The following ADARB2 variants were observed in gnomAD, a reference collection of about 807,000 sequenced individuals.
ADARB2 encodes the protein adenosine deaminase RNA specific B2 (inactive).
Under a neutral mutation model 62.2 loss-of-function variants are expected in ADARB2, and 25 were observed. The ratio of observed to expected loss-of-function variants is 0.40; its 90% confidence interval spans 0.29 to 0.56. The LOEUF is 0.56. Among genes scored for constraint, ADARB2 ranks in the 20% least tolerant of loss-of-function variants. The probability of loss-of-function intolerance (pLI) is 0.43; values close to 1 mark genes in which losing one functional copy is unlikely to be tolerated. For missense variants in ADARB2, 1,071 were observed against 1,077.4 expected (o/e 0.99, Z 0.08); for synonymous variants, 572 against 500.8 (o/e 1.14, Z -1.90).
At chr10:1,364,020 C>T (rs1371962433) in intron 2 of ADARB2, 103 bp from the exon 3 acceptor site, 1 of 1,370,554 alleles carries the variant, frequency 7.3e-7, no homozygotes, top group African/African-American at 1.5e-5. Context: ...ACCTCGCCGC[C>T]CGCGCCCCCA....
intron 1 of ADARB2, among the ~76,000 whole-genome samples, chr10:1,530,605 G>A (rs539476723): frequency 2.6e-5 from 4 of 152,202 alleles, no homozygotes; most frequent in East Asian, 1.9e-4. Flanking sequence ...CCGCCCCTGC[G>A]CCCAAAGCCC....
intron 6 of ADARB2, among the ~76,000 whole-genome samples, chr10:1,229,778 C>A (rs892878593): frequency 6.7e-6 from 1 of 150,304 alleles, no homozygotes; most frequent in Admixed American, 6.6e-5. Flanking sequence ...ATATGTGCTT[C>A]TGTGTACATG....
At chr10:1,423,518 T>C (rs1832868165) in intron 1 of ADARB2, among the ~76,000 whole-genome samples, 1 of 9,238 alleles carries the variant, frequency 1.1e-4, no homozygotes, top group Non-Finnish European at 5.1e-4. Context: ...GGACTACTCT[T>C]CCTAGGCCTA....
chr10:1,692,575 G>T (rs1834687557), intron 1 of ADARB2, among the ~76,000 whole-genome samples: 1 of 152,164 alleles, frequency 6.6e-6, no homozygotes, highest in Admixed American at 6.5e-5. Context: ...TCATTCAGTA[G>T]TGACAGCCAG....
intron 1 of ADARB2, among the ~76,000 whole-genome samples, chr10:1,519,535 G>C (rs1832047909): frequency 6.6e-6 from 1 of 152,180 alleles, no homozygotes; most frequent in Admixed American, 6.5e-5. Flanking sequence ...GGACCCTGCA[G>C]CTGGGCCAGC....
intron 1 of ADARB2, among the ~76,000 whole-genome samples, chr10:1,591,844 T>C (rs948319445): frequency 6.6e-6 from 1 of 152,208 alleles, no homozygotes; most frequent in Non-Finnish European, 1.5e-5. Flanking sequence ...AATCTCTGTG[T>C]AGCGCTGGTA....
In ADARB2 at chr10:1,181,803, A is replaced by C. The variant is rs888013345; in HGVS notation, c.*1390T>G. 6.6e-6 allele frequency: 1 copy of C among 152,122 alleles called. No homozygotes were observed. Among genetic ancestry groups the C allele is most frequent in the Non-Finnish European group, 1.5e-5 (1 of 68,016 alleles). The allele number at this position is 152,122 out of a possible 1,614,324, so 9.4% of individuals were successfully genotyped here. A position where few individuals can be genotyped will look rare whatever the true frequency, so the allele number is the denominator to read the frequency against. On this transcript the variant is annotated 3_prime_UTR_variant, in exon 10 of 10. Transcript: ENST00000381312. ...ATTTTTTAAGTTGGAGAAATGAGAG[A>C]CTGGCTATCTAGCATGATGAATGTT...
chr10:1,512,917 A>G (rs1831956599), intron 1 of ADARB2, among the ~76,000 whole-genome samples: 1 of 152,210 alleles, frequency 6.6e-6, no homozygotes, highest in Admixed American at 6.5e-5. Context: ...TGGTAAAGAC[A>G]ATGGGCTCTG....
intron 1 of ADARB2, among the ~76,000 whole-genome samples, chr10:1,654,483 G>C (rs182765770): frequency 6.6e-6 from 1 of 152,090 alleles, no homozygotes; most frequent in Admixed American, 6.5e-5. Flanking sequence ...TTCCGGCGTG[G>C]TGGTGCCTCC....
chr10:1,222,374 A>C (rs1830702797), intron 6 of ADARB2, among the ~76,000 whole-genome samples: 1 of 151,920 alleles, frequency 6.6e-6, no homozygotes, highest in Non-Finnish European at 1.5e-5. Flanking sequence ...TTGCCTGTTC[A>C]CTCTGATGTT....
chr10:1,257,926 C>T (rs1373799805), intron 4 of ADARB2, among the ~76,000 whole-genome samples: 1 of 152,204 alleles, frequency 6.6e-6, no homozygotes, highest in Non-Finnish European at 1.5e-5. Context: ...TCCACACTTA[C>T]TTCAGAGGGT....
Position 1,499,834 on chromosome 10 carries a change from T to C in ADARB2, c.101-120674A>G, listed in dbSNP as rs527948613. Among the ~76,000 whole-genome samples, 5 of 152,152 alleles carry C rather than the reference T, an allele frequency of 3.3e-5. No homozygotes were observed. In the South Asian group the frequency reaches 1.0e-3, roughly 32 times the overall value. The stretch of plus-strand genomic sequence containing the variant: ...ACATCACTCACTCATCACTTAACAC[T>C]CATTCATTACTCATTGCTCACTCAT... On this transcript the variant is annotated intron_variant, in intron 1 of 9. Coordinates refer to ENST00000381312, the MANE Select transcript of ADARB2 (RefSeq NM_018702.4).
At chr10:1,388,403 A>T (rs1050457586) in intron 1 of ADARB2, among the ~76,000 whole-genome samples, 1 of 152,156 alleles carries the variant, frequency 6.6e-6, no homozygotes, top group Non-Finnish European at 1.5e-5. Flanking sequence ...AGAAAATAAA[A>T]GTCATAGAGA....
intron 1 of ADARB2, among the ~76,000 whole-genome samples, chr10:1,400,931 C>G (rs549067461): frequency 2.6e-5 from 4 of 152,214 alleles, no homozygotes; most frequent in African/African-American, 9.6e-5. Context: ...CAGGGAGGGC[C>G]GGGAACGACC....
At chr10:1,481,833 G>A (rs1390989161) in intron 1 of ADARB2, among the ~76,000 whole-genome samples, 1 of 140,978 alleles carries the variant, frequency 7.1e-6, no homozygotes, top group African/African-American at 2.7e-5. Flanking sequence ...CTCCAGCCTG[G>A]ACGACAGAGT....
chr10:1,524,109 A>G (rs1429446348), intron 1 of ADARB2, among the ~76,000 whole-genome samples: 1 of 151,946 alleles, frequency 6.6e-6, no homozygotes. Flanking sequence ...TAGATTAGAG[A>G]GAGAGAGAAT....
chr10:1,379,457 A>T (rs1832463025), intron 1 of ADARB2, among the ~76,000 whole-genome samples: 1 of 152,154 alleles, frequency 6.6e-6, no homozygotes, highest in African/African-American at 2.4e-5. Flanking sequence ...ACAACCTTGC[A>T]TCTGTTTACA....
chr10:1,215,333 C>T (rs1045027409), intron 7 of ADARB2, among the ~76,000 whole-genome samples: 10 of 152,184 alleles, frequency 6.6e-5, no homozygotes, highest in East Asian at 1.9e-4. Flanking sequence ...GCTGGCTGTG[C>T]GCACCCTCTC....
intron 1 of ADARB2, among the ~76,000 whole-genome samples, chr10:1,585,322 C>T (rs1762932503): frequency 6.6e-6 from 1 of 152,038 alleles, no homozygotes; most frequent in Non-Finnish European, 1.5e-5. Context: ...AGGGAAAAGT[C>T]GAGTTGGGAA....
Sources: allele counts gnomAD v4.1 joint callset (sites outside exome capture counted in the v4.1 genomes callset), GRCh38; gene constraint gnomAD v4.1.1; transcripts MANE v1.5; gene names NCBI Gene and HGNC (gene_info 2026-07-23, HGNC 2026-07-21).